Variants in CHCHD3 observed in about 807,000 individuals in gnomAD.
CHCHD3 encodes coiled-coil-helix-coiled-coil-helix domain containing 3.
A neutral mutation model predicts 38.2 loss-of-function variants in CHCHD3; 20 were observed. The observed-to-expected ratio is 0.52, with a 90% confidence interval of 0.37 to 0.76. CHCHD3 has a LOEUF of 0.76. CHCHD3 is among the 30% of genes least tolerant of loss of function. The pLI is 0.00. For synonymous variants in CHCHD3, 82 were observed against 100.0 expected, an observed-to-expected ratio of 0.82 and a Z score of 1.07; for missense variants, 245 against 279.2, an observed-to-expected ratio of 0.88 and a Z score of 0.87.
At chr7:132,928,696 A>AAAAAT (rs571012129) in intron 4 of CHCHD3, among the ~76,000 whole-genome samples, 151 of 152,240 alleles carry the variant, frequency 9.9e-4, no homozygotes, top group South Asian at 2.3e-3. Context: ...GACTCCATCA[A>AAAAAT]AAAATAAAAT....
At chr7:132,910,661 C>T (rs906925164) in intron 4 of CHCHD3, among the ~76,000 whole-genome samples, 1 of 152,132 alleles carries the variant, frequency 6.6e-6, no homozygotes, top group South Asian at 2.1e-4. Flanking sequence ...AAGCTGACCC[C>T]CTCTAACTTT....
Position 132,972,269 on chromosome 7 carries a change from A to G in CHCHD3, c.369+2900T>C, listed in dbSNP as rs925604289. Among the ~76,000 whole-genome samples the G allele has an allele frequency of 2.0e-5, 3 of 152,240 alleles. No individual in the cohort carries two copies. In the South Asian group the frequency reaches 6.2e-4, roughly 31 times the overall value. On this transcript the variant is annotated intron_variant, in intron 4 of 7. Coordinates refer to ENST00000262570, the MANE Select transcript of CHCHD3 (RefSeq NM_017812.4). ...GTGACCACACAAAAACGTATTTATCAGTATAAAAACTTTTACCACATGGCC... is the reference window on the plus strand; with the variant it reads ...GTGACCACACAAAAACGTATTTATCGGTATAAAAACTTTTACCACATGGCC...
Position 132,786,059 on chromosome 7 carries a change from T to C in CHCHD3, c.661-399A>G, listed in dbSNP as rs1010100743. On this transcript the variant is annotated intron_variant, in intron 7 of 7. Coordinates refer to ENST00000262570, the MANE Select transcript of CHCHD3 (RefSeq NM_017812.4). The stretch of plus-strand genomic sequence containing the variant: ...TGGGCATGGTGGTGTGTGCCTGTAG[T>C]CTCAGTTACTCGAGACGCTGAGGTG... Among the ~76,000 whole-genome samples, 5 of 152,158 alleles carry C rather than the reference T, an allele frequency of 3.3e-5. No individual in the cohort carries two copies. The East Asian group carries it at 9.6e-4, about 29-fold the overall frequency.
chr7:132,878,077 C>G (rs1019174716), intron 5 of CHCHD3, among the ~76,000 whole-genome samples: 1 of 152,102 alleles, frequency 6.6e-6, no homozygotes, highest in Non-Finnish European at 1.5e-5. Context: ...CAAAAAACGA[C>G]TGTTTATATT....
intron 4 of CHCHD3, among the ~76,000 whole-genome samples, chr7:132,921,238 A>G (rs1382477536): frequency 1.3e-5 from 2 of 152,254 alleles, no homozygotes; most frequent in Non-Finnish European, 2.9e-5. Flanking sequence ...TACATTAAGC[A>G]AAAAGTTAAA....
intron 4 of CHCHD3, among the ~76,000 whole-genome samples, chr7:132,917,790 C>T (rs546372188): frequency 3.1e-5 from 4 of 129,710 alleles, no homozygotes; most frequent in Admixed American, 2.8e-4. Context: ...ACTCGGGAGG[C>T]GGAGCTTGCA....
chr7:132,820,622 T>TG lies in CHCHD3; in HGVS notation c.524+17776_524+17777insC, dbSNP rs558306066. Among the ~76,000 whole-genome samples, 728 of 150,404 alleles carry TG rather than the reference T, an allele frequency of 4.8e-3. 4 individuals are homozygous for TG. The highest frequency in any genetic ancestry group is 0.01 in the Middle Eastern group (3 of 292). On this transcript the variant is annotated intron_variant, in intron 6 of 7. Transcript: ENST00000262570. The stretch of plus-strand genomic sequence containing the variant: ...GAAAATGTGCTAGTGTTTTTTTTTT[T>TG]TTTTTTTTTTTTTTATTGCCCCTAA...
chr7:132,879,945 T>A (rs1412618380), intron 5 of CHCHD3, among the ~76,000 whole-genome samples: 1 of 152,130 alleles, frequency 6.6e-6, no homozygotes, highest in Non-Finnish European at 1.5e-5. Context: ...AATCGCTAGG[T>A]AATAAGACCT....
rs140829294 is a variant in CHCHD3 at position 132,901,211 on chromosome 7, T to C, written c.370-15466A>G. Among the ~76,000 whole-genome samples the C allele has an allele frequency of 6.6e-3, 1,003 of 152,160 alleles. 11 individuals carry two copies. The highest frequency in any genetic ancestry group is 0.022 in the African/African-American group (931 of 41,506). ...TGTACAAAGCCTCCGGCTTATCTAA[T>C]CAAGGAAAATAAGTTAAGAGATAAG... On this transcript the variant is annotated intron_variant, in intron 4 of 7. Transcript: ENST00000262570.
chr7:132,986,501 C>CT (rs1562930225), intron 3 of CHCHD3, among the ~76,000 whole-genome samples: 1 of 151,276 alleles, frequency 6.6e-6, no homozygotes, highest in East Asian at 1.9e-4. Context: ...CCTATAGACT[C>CT]TAATGCGATT....
chr7:133,022,280 G>A, intron 3 of CHCHD3: 1 of 385,150 alleles, frequency 2.6e-6, no homozygotes, highest in Non-Finnish European at 5.2e-6. Flanking sequence ...AGGTTTGTGT[G>A]CATTTGGAGG....
chr7:132,889,416 C>T (rs1270763879), intron 4 of CHCHD3, among the ~76,000 whole-genome samples: 1 of 152,020 alleles, frequency 6.6e-6, no homozygotes, highest in Non-Finnish European at 1.5e-5. Flanking sequence ...GCTGAGGACA[C>T]CGCATCAATC....
chr7:132,830,893 AT>A (rs1369649311), intron 6 of CHCHD3: 1 of 152,174 alleles, frequency 6.6e-6, no homozygotes, highest in Non-Finnish European at 1.5e-5. Flanking sequence ...TGCCTCTTCA[AT>A]TACTAAGTCT....
At chr7:132,820,553 A>C (rs1807336260) in intron 6 of CHCHD3, among the ~76,000 whole-genome samples, 1 of 151,696 alleles carries the variant, frequency 6.6e-6, no homozygotes, top group Non-Finnish European at 1.5e-5. Flanking sequence ...CCAGGCTTTT[A>C]AATCCAGAAT....
At chr7:133,043,463 G>A (rs558257412) in intron 2 of CHCHD3, among the ~76,000 whole-genome samples, 2 of 152,110 alleles carry the variant, frequency 1.3e-5, no homozygotes, top group Admixed American at 1.3e-4. Context: ...CCATCATGGC[G>A]AAACTCCGTG....
chr7:132,869,858 T>G (rs1174596518), intron 5 of CHCHD3, among the ~76,000 whole-genome samples: 6 of 152,002 alleles, frequency 3.9e-5, no homozygotes, highest in Non-Finnish European at 8.8e-5. Flanking sequence ...GCTGGGATTA[T>G]AGGCATGAGC....
At chr7:132,938,261 C>T (rs1254222777) in intron 4 of CHCHD3, among the ~76,000 whole-genome samples, 1 of 152,032 alleles carries the variant, frequency 6.6e-6, no homozygotes, top group Non-Finnish European at 1.5e-5. Flanking sequence ...ATGAATCATA[C>T]CCTATTTAAC....
rs143615369 is a variant in CHCHD3, at chr7:132,924,100, G to T, written c.370-38355C>A. ...GAAAAATGGGACTTTGACCACAGCT[G>T]GAGAAATAAGGAATAGGAGGCAAAA... On this transcript the variant is annotated intron_variant, in intron 4 of 7. Transcript: ENST00000262570. 1.4e-4 allele frequency among the ~76,000 whole-genome samples: 22 copies of T among 152,194 alleles called. 1 individual carries two copies. Among genetic ancestry groups the T allele is most frequent in the African/African-American group, 5.1e-4 (21 of 41,528 alleles).
chr7:132,869,660 T>A (rs1243078482), intron 5 of CHCHD3, among the ~76,000 whole-genome samples: 1 of 152,170 alleles, frequency 6.6e-6, no homozygotes, highest in Admixed American at 6.5e-5. Flanking sequence ...AATGGCTCAC[T>A]GCAGCCTTGA....
Sources: allele counts gnomAD v4.1 joint callset (sites outside exome capture counted in the v4.1 genomes callset), GRCh38; gene constraint gnomAD v4.1.1; transcripts MANE v1.5; gene names NCBI Gene and HGNC (gene_info 2026-07-23, HGNC 2026-07-21).